The following ABLIM2 variants were observed in gnomAD, a reference collection of about 807,000 sequenced individuals.
ABLIM2 encodes actin binding LIM protein family member 2, also known as actin-binding LIM protein 2.
A neutral mutation model predicts 97.7 loss-of-function variants in ABLIM2; 53 were observed. That is an observed-to-expected ratio of 0.54 (90% confidence interval 0.44 to 0.68). The LOEUF is 0.68. ABLIM2 is among the 30% of genes least tolerant of loss of function. The pLI is 0.00. For missense variants in ABLIM2, 835 were observed against 867.2 expected (o/e 0.96, Z 0.47); for synonymous variants, 361 against 345.8 (o/e 1.04, Z -0.49).
At chr4:8,084,225 A>G (rs1475168998) in intron 4 of ABLIM2, among the ~76,000 whole-genome samples, 1 of 152,206 alleles carries the variant, frequency 6.6e-6, no homozygotes, top group African/African-American at 2.4e-5. Context: ...GTTCGGCCCC[A>G]GCGCACTGCG....
chr4:8,091,921 T>G (rs1237451165), intron 3 of ABLIM2, among the ~76,000 whole-genome samples: 1 of 121,436 alleles, frequency 8.2e-6, no homozygotes, highest in Non-Finnish European at 1.6e-5. Flanking sequence ...TGTTATAATA[T>G]ATAATGTATA....
chr4:8,075,557 G>C lies in ABLIM2; in HGVS notation c.675+2071C>G, dbSNP rs541199144. On this transcript the variant is annotated intron_variant, in intron 6 of 20. Coordinates refer to ENST00000447017, the MANE Select transcript of ABLIM2 (RefSeq NM_001130083.2). This position sits in a 1 kb window ranked among gnomAD's most constrained non-coding sequence, Gnocchi z 4.4. ...AAACTACAAAAATTAGCCAGGTGTG[G>C]TGGCGCACACCTGTAGTCCCAGCTG... is the stretch of plus-strand genomic sequence containing the variant. Among the ~76,000 whole-genome samples the C allele has an allele frequency of 2.0e-5, 3 of 152,216 alleles. No homozygotes were observed. The highest frequency in any genetic ancestry group is 6.5e-5 in the Admixed American group (1 of 15,290).
Position 8,112,578 on chromosome 4 carries a change from G to T in ABLIM2, c.11-5941C>A, listed in dbSNP as rs1310508774. On this transcript the variant is annotated intron_variant, in intron 1 of 20. Transcript: ENST00000447017. The surrounding 1 kb of genome is among the most constrained non-coding windows in gnomAD (Gnocchi z 4.2). ...AAAGAGGAAAAACGATGACTCTGAG[G>T]TCTACTCGAGGTTTCCCAGTCCAGA... 6.6e-6 allele frequency among the ~76,000 whole-genome samples: 1 copy of T among 152,174 alleles called. No individual in the cohort carries two copies.
In ABLIM2 at chr4:7,976,861, G is replaced by A. The variant is rs188495681; in HGVS notation, c.1824+6403C>T. On this transcript the variant is annotated intron_variant, in intron 20 of 20. Coordinates refer to ENST00000447017, the MANE Select transcript of ABLIM2 (RefSeq NM_001130083.2). ...TGCACACACATATACACACATACAC[G>A]TATACATACATAAACATACACACAC... 7.1e-4 allele frequency among the ~76,000 whole-genome samples: 107 copies of A among 150,024 alleles called. 1 individual carries two copies. The highest frequency in any genetic ancestry group is 8.9e-5 in the Non-Finnish European group (6 of 67,332).
At position 7,966,608 on chromosome 4, in the gene ABLIM2, C is replaced by G. The variant is rs1723085316; in HGVS notation, c.*382G>C. 4.9e-6 allele frequency: 1 copy of G among 203,602 alleles called. No individual in the cohort carries two copies. Among genetic ancestry groups the G allele is most frequent in the Non-Finnish European group, 1.0e-5 (1 of 100,070 alleles). The allele number at this position is 203,602 out of a possible 1,614,324, so 12.6% of individuals were successfully genotyped here. ...GTGTCAGCAACCATCATCAACAAGC[C>G]TCACAGCTCACGTCCCGGCCACCTC... On this transcript the variant is annotated 3_prime_UTR_variant, in exon 21 of 21. Coordinates refer to ENST00000447017, the MANE Select transcript of ABLIM2 (RefSeq NM_001130083.2).
intron 20 of ABLIM2, among the ~76,000 whole-genome samples, chr4:7,969,921 C>G (rs1001912396): frequency 6.6e-6 from 1 of 152,100 alleles, no homozygotes; most frequent in Non-Finnish European, 1.5e-5. Flanking sequence ...ATCCATCAGC[C>G]AGTCCACAGA....
At chr4:8,116,995 G>A (rs920795610) in intron 1 of ABLIM2, among the ~76,000 whole-genome samples, 23 of 152,192 alleles carry the variant, frequency 1.5e-4, no homozygotes, top group African/African-American at 5.6e-4. Context: ...ACTCAGTGGC[G>A]ACGCCTGGTC....
intron 8 of ABLIM2, among the ~76,000 whole-genome samples, chr4:8,050,595 A>G (rs535894532): frequency 2.2e-4 from 33 of 152,204 alleles, no homozygotes; most frequent in Non-Finnish European, 1.5e-4. Context: ...GGGTTTCCAA[A>G]AACAAGTGAG....
intron 20 of ABLIM2, among the ~76,000 whole-genome samples, chr4:7,973,642 C>CT (rs1265910252): frequency 1.3e-5 from 2 of 152,164 alleles, no homozygotes; most frequent in African/African-American, 4.8e-5. Context: ...GCATTTATGA[C>CT]TAAGTGTGCA....
chr4:7,977,426 T>C (rs1734375035), intron 20 of ABLIM2, among the ~76,000 whole-genome samples: 2 of 152,152 alleles, frequency 1.3e-5, no homozygotes, highest in Admixed American at 1.3e-4. Flanking sequence ...TACACACACA[T>C]GCATGCACAC....
intron 1 of ABLIM2, among the ~76,000 whole-genome samples, chr4:8,143,693 C>T (rs1039671341): frequency 6.6e-6 from 1 of 152,222 alleles, no homozygotes; most frequent in Non-Finnish European, 1.5e-5. Context: ...TCATCGCTTA[C>T]TGCATGCCTT....
In ABLIM2 at chr4:7,999,168, T is replaced by C. The variant is rs1755428484; in HGVS notation, c.1619-6241A>G. On this transcript the variant is annotated intron_variant, in intron 16 of 20. Transcript: ENST00000447017. The surrounding 1 kb of genome is among the most constrained non-coding windows in gnomAD (Gnocchi z 4.4). ...GCAACCTCCTGGGTTCAAGCGATTC[T>C]CCTGCCTCAGCCTCCTGAGTAGCTG... is the stretch of plus-strand genomic sequence containing the variant. Among the ~76,000 whole-genome samples, 1 of 152,178 alleles carries C rather than the reference T, an allele frequency of 6.6e-6. No homozygotes were observed. Among genetic ancestry groups the C allele is most frequent in the Admixed American group, 6.5e-5 (1 of 15,272 alleles).
In ABLIM2 at chr4:8,034,893, G is replaced by T. The variant is rs1376676522; in HGVS notation, c.1047+1256C>A. 5.8e-5 allele frequency among the ~76,000 whole-genome samples: 7 copies of T among 120,646 alleles called. No homozygotes were observed. In the East Asian group the frequency reaches 1.8e-3, roughly 31 times the overall value. 79.1% of individuals were successfully genotyped at this position (120,646 alleles called of 152,430 possible). A position where few individuals can be genotyped will look rare whatever the true frequency, so the allele number is the denominator to read the frequency against. On this transcript the variant is annotated intron_variant, in intron 10 of 20. Transcript: ENST00000447017. ...GGTGGGTTCAGGTCGGTGGGTGGTA[G>T]GTAGGTGGGTGCGGGTGGGTGGTGG...
Position 8,106,526 on chromosome 4 carries a change from T to C in ABLIM2, c.122A>G (p.Lys41Arg), listed in dbSNP as rs764689324. The C allele has an allele frequency of 4.4e-5, 71 of 1,601,682 alleles. No individual in the cohort carries two copies. The South Asian group carries it at 6.9e-4, about 16-fold the overall frequency. The change falls in exon 2 of 21, where the codon AAG (lysine) becomes AGG (arginine). Residue 41 changes from lysine to arginine, a missense_variant. Physicochemically the swap from Lys to Arg is conservative, Grantham distance 26. Transcript: ENST00000447017. ...CKGEVLRVQD[K>R]YFHIKCFVCK... ...GACGAAGCACTTGATGTGGAAGTAC[T>C]TGTCCTGCACCCGCAGCACCTCGCC...
chr4:7,977,221 C>T (rs1322243708), intron 20 of ABLIM2, among the ~76,000 whole-genome samples: 2 of 152,172 alleles, frequency 1.3e-5, no homozygotes, highest in Admixed American at 1.3e-4. Context: ...GCCTTGCTTC[C>T]CCTTTGCCTT....
intron 9 of ABLIM2, among the ~76,000 whole-genome samples, chr4:8,038,156 C>T (rs145481252): frequency 1.3e-5 from 2 of 152,120 alleles, no homozygotes; most frequent in Non-Finnish European, 2.9e-5. Context: ...ATCATCTGCT[C>T]GCAAAACACA....
rs1197631562 is a variant in ABLIM2, at chr4:8,131,848, A to AGCACAGCAGCCCGCATCCCCT, written c.11-25232_11-25212dup. Among the ~76,000 whole-genome samples, 550 of 120,220 alleles carry AGCACAGCAGCCCGCATCCCCT rather than the reference A, an allele frequency of 4.6e-3. 40 individuals are homozygous for AGCACAGCAGCCCGCATCCCCT. Among genetic ancestry groups the AGCACAGCAGCCCGCATCCCCT allele is most frequent in the African/African-American group, 0.02 (504 of 24,656 alleles). 78.9% of individuals were successfully genotyped at this position (120,220 alleles called of 152,430 possible). ...CCCAGCACAGCAGCCCGCATCCCTG[A>AGCACAGCAGCCCGCATCCCCT]GCACAGCAGCCCGCATCCCCTGCAC... is the stretch of plus-strand genomic sequence containing the variant. On this transcript the variant is annotated intron_variant, in intron 1 of 20. Coordinates refer to ENST00000447017, the MANE Select transcript of ABLIM2 (RefSeq NM_001130083.2).
At chr4:8,145,899 C>T (rs994581823) in intron 1 of ABLIM2, among the ~76,000 whole-genome samples, 4 of 151,646 alleles carry the variant, frequency 2.6e-5, no homozygotes, top group Non-Finnish European at 4.4e-5. Context: ...GGCCAGCCGC[C>T]GGGGAGGCTG....
chr4:7,966,804 C>CCCTAAACTA lies in ABLIM2; in HGVS notation c.*177_*185dup, dbSNP rs1723176940. The CCCTAAACTA allele has an allele frequency of 1.7e-6, 1 of 579,590 alleles. No individual in the cohort carries two copies. Among genetic ancestry groups the CCCTAAACTA allele is most frequent in the Non-Finnish European group, 3.1e-6 (1 of 325,904 alleles). The allele number at this position is 579,590 out of a possible 1,614,324, so 35.9% of individuals were successfully genotyped here. On this transcript the variant is annotated 3_prime_UTR_variant, in exon 21 of 21. Transcript: ENST00000447017. ...GGTGGCGTGAAGCTAGCCGTCTCGG[C>CCCTAAACTA]CCTAAACTACCGGCAGGAGTGTCGC...
Sources: gnomAD v4.1 joint callset for allele counts (sites outside exome capture counted in the v4.1 genomes callset) on GRCh38, gnomAD v4.1.1 for gene constraint, Gnocchi (gnomAD v3.1) non-coding constraint, MANE v1.5 for transcripts, NCBI Gene and HGNC (gene_info 2026-07-23, HGNC 2026-07-21) for gene names.